SPEN: variants seen among roughly 807,000 people sequenced by gnomAD.
SPEN encodes spen family transcriptional repressor, also known as msx2-interacting protein.
In SPEN, 18 loss-of-function variants were observed where a neutral mutation model predicts 269.9. That is an observed-to-expected ratio of 0.07 (90% CI 0.05 to 0.10). SPEN has a LOEUF of 0.10. SPEN is among the 10% of genes least tolerant of loss of function. The pLI is 1.00. For synonymous variants in SPEN, 1,726 were observed against 1,765.7 expected, an observed-to-expected ratio of 0.98 and a Z score of 0.56; for missense variants, 3,822 against 4,631.2, an observed-to-expected ratio of 0.83 and a Z score of 5.07.
At chr1:15,936,301 GGCATGT>G (rs748763500) in intron 11 of SPEN, 35 bp downstream of exon 11, 8 of 1,508,444 alleles carry the variant, frequency 5.3e-6, no homozygotes, top group Non-Finnish European at 7.1e-6. Context: ...CTGTCTGTTG[GGCATGT>G]GCTTGTGGGG....
At position 15,848,332 on chromosome 1, in the gene SPEN, G is replaced by T. The variant is rs1484538304; in HGVS notation, c.83+182G>T. Among the ~76,000 whole-genome samples the T allele has an allele frequency of 6.6e-6, 1 of 151,136 alleles. No homozygotes were observed. The highest frequency in any genetic ancestry group is 1.5e-5 in the Non-Finnish European group (1 of 67,660). ...GCGGCGTTGGGCCTCGGGTGTCGGC[G>T]GTGCGGGCGGCCAAGCCGCGCCGCC... On this transcript the variant is annotated intron_variant, in intron 1 of 14. Coordinates refer to ENST00000375759, the MANE Select transcript of SPEN (RefSeq NM_015001.3). The surrounding 1 kb of genome is among the most constrained non-coding windows in gnomAD (Gnocchi z 5.1).
In SPEN at chr1:15,918,918, T is replaced by G; in HGVS notation, c.1396-8T>G. On this transcript the variant is annotated splice_region_variant and splice_polypyrimidine_tract_variant and intron_variant, in intron 6 of 14. Coordinates refer to ENST00000375759, the MANE Select transcript of SPEN (RefSeq NM_015001.3). Reference sequence around the variant, plus strand: ...ATATTGCTAAGTTGTATTCATTGGTTTTTTCAGGATATTGACATTAAGAAA... The same window carrying G: ...ATATTGCTAAGTTGTATTCATTGGTGTTTTCAGGATATTGACATTAAGAAA... The G allele has an allele frequency of 6.2e-7, 1 of 1,604,140 alleles. No homozygotes were observed. The highest frequency in any genetic ancestry group is 1.1e-5 in the South Asian group (1 of 89,910).
At chr1:15,886,503 G>A (rs2070737666) in intron 3 of SPEN, among the ~76,000 whole-genome samples, 1 of 152,162 alleles carries the variant, frequency 6.6e-6, no homozygotes, top group South Asian at 2.1e-4. Flanking sequence ...CGGCTGCTGC[G>A]TGGTGACTGG....
At chr1:15,920,457 A>T (rs574281344) in intron 8 of SPEN, among the ~76,000 whole-genome samples, 1 of 152,210 alleles carries the variant, frequency 6.6e-6, no homozygotes, top group Non-Finnish European at 1.5e-5. Flanking sequence ...CAGTTATGCT[A>T]CTTGTAGCCA....
intron 3 of SPEN, among the ~76,000 whole-genome samples, chr1:15,904,248 C>T (rs1007676472): frequency 6.6e-6 from 1 of 151,430 alleles, no homozygotes; most frequent in Non-Finnish European, 1.5e-5. Context: ...GAGGCCAAGG[C>T]GGGTGGATTA....
chr1:15,851,754 G>A (rs2070338299), intron 1 of SPEN, among the ~76,000 whole-genome samples: 2 of 152,144 alleles, frequency 1.3e-5, no homozygotes, highest in African/African-American at 4.8e-5. Flanking sequence ...GGAGGCCGAG[G>A]CGGGCGGGTC....
rs1055472786 is a variant in SPEN at position 15,872,972 on chromosome 1, A to G, written c.240A>G (p.Glu80=). The stretch of plus-strand genomic sequence containing the variant: ...GAGACCTACGCACGGATTATAATGA[A>G]CCAGGCACCATCCCGAGTGCTGCTC... ...GDRDLRTDYN[E]PGTIPSAARG... Residue 80 remains glutamate (E), a synonymous_variant, in exon 2 of 15, where the codon GAA becomes GAG. Coordinates refer to ENST00000375759, the MANE Select transcript of SPEN (RefSeq NM_015001.3). 1.5e-5 allele frequency: 24 copies of G among 1,614,098 alleles called. No homozygotes were observed. Among genetic ancestry groups the G allele is most frequent in the Non-Finnish European group, 2.0e-5 (24 of 1,180,010 alleles).
chr1:15,922,890 A>G (rs1203627583), intron 10 of SPEN, among the ~76,000 whole-genome samples: 1 of 152,192 alleles, frequency 6.6e-6, no homozygotes, highest in African/African-American at 2.4e-5. Context: ...CTGGGATTAC[A>G]GGTGTGAGCC....
intron 2 of SPEN, 60 bp downstream of exon 2, chr1:15,873,196 C>T (rs2070599332): frequency 6.6e-7 from 1 of 1,503,944 alleles, no homozygotes; most frequent in African/African-American, 1.4e-5. Flanking sequence ...GAAACAGAAA[C>T]TCATATTTAG....
chr1:15,859,530 C>T (rs549924310), intron 1 of SPEN, among the ~76,000 whole-genome samples: 6 of 151,620 alleles, frequency 4.0e-5, no homozygotes, highest in East Asian at 1.9e-4. Flanking sequence ...CCACCACGCC[C>T]GGCTAATTTT....
At chr1:15,917,012 C>T (rs867695449) in intron 6 of SPEN, among the ~76,000 whole-genome samples, 2 of 152,108 alleles carry the variant, frequency 1.3e-5, no homozygotes, top group African/African-American at 4.8e-5. Flanking sequence ...CCAGTAGTCC[C>T]AGCTACTCAG....
intron 3 of SPEN, among the ~76,000 whole-genome samples, chr1:15,882,969 T>C (rs1486077697): frequency 6.6e-6 from 1 of 152,058 alleles, no homozygotes; most frequent in Non-Finnish European, 1.5e-5. Flanking sequence ...CCTTCCCTCC[T>C]CAGCAGGAAA....
rs973378736 is a variant in SPEN, at chr1:15,847,902, G to C, written c.-166G>C. ...CCGAGAGTCAGAACCTGGGGGAGAGGGATGGTCTCTGCACGGGGGGGAGCC... is the reference window on the plus strand; with the variant it reads ...CCGAGAGTCAGAACCTGGGGGAGAGCGATGGTCTCTGCACGGGGGGGAGCC... On this transcript the variant is annotated 5_prime_UTR_variant, in exon 1 of 15. Transcript: ENST00000375759. 6 of 308,830 alleles carry C rather than the reference G, an allele frequency of 1.9e-5. No individual in the cohort carries two copies. Among genetic ancestry groups the C allele is most frequent in the Non-Finnish European group, 3.6e-5 (6 of 165,892 alleles). 19.1% of individuals were successfully genotyped at this position (308,830 alleles called of 1,614,324 possible). A position where few individuals can be genotyped will look rare whatever the true frequency, so the allele number is the denominator to read the frequency against.
chr1:15,892,082 G>A (rs944531786), intron 3 of SPEN, among the ~76,000 whole-genome samples: 7 of 131,664 alleles, frequency 5.3e-5, no homozygotes, highest in East Asian at 4.6e-4. Context: ...GTGCAGTGGC[G>A]TAATCTTGGC....
intron 1 of SPEN, among the ~76,000 whole-genome samples, chr1:15,871,786 T>C (rs920160995): frequency 7.9e-5 from 12 of 152,340 alleles, no homozygotes; most frequent in Admixed American, 3.3e-4. Context: ...CCAGTACGAT[T>C]GTCACTTAAT....
chr1:15,848,095 G>T lies in SPEN; in HGVS notation c.28G>T (p.Val10Leu). The T allele has an allele frequency of 6.7e-7, 1 of 1,487,016 alleles. No individual in the cohort carries two copies. Among genetic ancestry groups the T allele is most frequent in the Admixed American group, 2.1e-5 (1 of 48,014 alleles). The allele number at this position is 1,487,016 out of a possible 1,614,324, so 92.1% of individuals were successfully genotyped here. A position where few individuals can be genotyped will look rare whatever the true frequency, so the allele number is the denominator to read the frequency against. The change falls in exon 1 of 15, where the codon GTG becomes TTG. Residue 10 changes from valine (V) to leucine (L), a missense_variant. This residue lies in a region of SPEN where 51 missense variants were observed against 56.1 expected (regional missense o/e 0.91). Coordinates refer to ENST00000375759, the MANE Select transcript of SPEN (RefSeq NM_015001.3). This position sits in a 1 kb window ranked among gnomAD's most constrained non-coding sequence, Gnocchi z 5.1. Reference sequence around the variant, plus strand: ...GGTCCGGGAAACCAGGCATCTCTGGGTGGGCAACTTACCCGAGAACGTGCG... The same window carrying T: ...GGTCCGGGAAACCAGGCATCTCTGGTTGGGCAACTTACCCGAGAACGTGCG... MVRETRHLW[V>L]GNLPENVREE...
At chr1:15,938,614 C>T in intron 13 of SPEN, 104 bp from the exon 14 acceptor site, 1 of 489,920 alleles carries the variant, frequency 2.0e-6, no homozygotes. Context: ...CCTTTAAAGT[C>T]ATCTCAGAGG....
intron 3 of SPEN, among the ~76,000 whole-genome samples, chr1:15,897,505 G>A (rs2070854179): frequency 6.6e-6 from 1 of 152,108 alleles, no homozygotes; most frequent in South Asian, 2.1e-4. Context: ...GGGATTATAG[G>A]CACCAGCCAC....
At chr1:15,882,398 A>C (rs1414230322) in intron 3 of SPEN, among the ~76,000 whole-genome samples, 2 of 152,182 alleles carry the variant, frequency 1.3e-5, no homozygotes, top group Non-Finnish European at 2.9e-5. Flanking sequence ...GCAGTGGCTC[A>C]CACCTGTAAT....
Sources: allele counts gnomAD v4.1 joint callset (sites outside exome capture counted in the v4.1 genomes callset), GRCh38; gene constraint gnomAD v4.1.1; regional missense constraint gnomAD v4.1.1; non-coding constraint Gnocchi (gnomAD v3.1); transcripts MANE v1.5; gene names NCBI Gene and HGNC (gene_info 2026-07-23, HGNC 2026-07-21).